QTGAL: variants seen among roughly 807,000 people sequenced by gnomAD.
The protein encoded by QTGAL is BGnT-like protein 1.
the QTGAL span, chr17:82,981,402 A>T: frequency 7.9e-5 from 12 of 152,282 alleles, no homozygotes; most frequent in African/African-American, 2.9e-4. Context: ...CGCCGCACCC[A>T]TGTGGGGCCA....
chr17:83,016,213 A>G, the QTGAL span, among the ~76,000 whole-genome samples: 5 of 152,248 alleles, frequency 3.3e-5, no homozygotes, highest in Admixed American at 6.5e-5. Context: ...GTTTAAGTAC[A>G]TGAGTAAAAG....
At chr17:82,993,426 A>G in the QTGAL span, among the ~76,000 whole-genome samples, 35 of 152,176 alleles carry the variant, frequency 2.3e-4, no homozygotes, top group African/African-American at 8.4e-4. Flanking sequence ...AGAATATAAC[A>G]GTCATAAATA....
At chr17:82,954,501 G>GA in the QTGAL span, among the ~76,000 whole-genome samples, 84 of 148,190 alleles carry the variant, frequency 5.7e-4, no homozygotes, top group Middle Eastern at 3.4e-3. Flanking sequence ...CAAACAAATG[G>GA]AAAAAAAAAA....
chr17:83,017,366 T>C, the QTGAL span, among the ~76,000 whole-genome samples: 3 of 152,148 alleles, frequency 2.0e-5, no homozygotes, highest in Non-Finnish European at 4.4e-5. Flanking sequence ...CTCATGCCTG[T>C]AATCCCAGCA....
the QTGAL span, among the ~76,000 whole-genome samples, chr17:82,984,949 C>T: frequency 9.2e-5 from 14 of 152,270 alleles, no homozygotes; most frequent in Non-Finnish European, 1.6e-4. Context: ...CCTGCTGGGA[C>T]CCCCTCCCTC....
the QTGAL span, chr17:83,005,054 A>C: frequency 7.2e-7 from 1 of 1,392,988 alleles, no homozygotes; most frequent in Non-Finnish European, 9.9e-7. This position sits in a 1 kb window ranked among gnomAD's most constrained non-coding sequence, Gnocchi z 5.6. Context: ...AGCATAATGC[A>C]TGAGATGGCG....
the QTGAL span, among the ~76,000 whole-genome samples, chr17:82,955,793 AT>A: frequency 1.3e-5 from 2 of 152,228 alleles, no homozygotes; most frequent in Non-Finnish European, 2.9e-5. Flanking sequence ...CATGGCACAT[AT>A]AGCCCATGGA....
the QTGAL span, among the ~76,000 whole-genome samples, chr17:82,963,603 G>A: frequency 6.6e-6 from 1 of 152,234 alleles, no homozygotes; most frequent in East Asian, 1.9e-4. Context: ...GCTACAGGGT[G>A]GGATATGCGG....
the QTGAL span, among the ~76,000 whole-genome samples, chr17:82,986,362 C>A: frequency 6.6e-6 from 1 of 152,204 alleles, no homozygotes; most frequent in African/African-American, 2.4e-5. Flanking sequence ...GGCTCCCGTG[C>A]AATGCCAGGT....
the QTGAL span, among the ~76,000 whole-genome samples, chr17:82,989,824 GA>G: frequency 2.6e-5 from 4 of 151,998 alleles, no homozygotes; most frequent in African/African-American, 9.7e-5. Flanking sequence ...AACAAAAATA[GA>G]AAAAATTACA....
chr17:82,963,590 C>T, the QTGAL span, among the ~76,000 whole-genome samples: 1 of 152,164 alleles, frequency 6.6e-6, no homozygotes, highest in Non-Finnish European at 1.5e-5. Flanking sequence ...ACCAGTGTTT[C>T]AGGCTACAGG....
chr17:82,992,079 A>G, the QTGAL span, among the ~76,000 whole-genome samples: 1 of 152,168 alleles, frequency 6.6e-6, no homozygotes, highest in African/African-American at 2.4e-5. Context: ...TCACCTCAAA[A>G]GGGCAAATCT....
At chr17:83,029,085 C>T in the QTGAL span, among the ~76,000 whole-genome samples, 2 of 152,190 alleles carry the variant, frequency 1.3e-5, no homozygotes, top group African/African-American at 2.4e-5. Context: ...GAGCCGGGAG[C>T]ATGCAGGCCG....
At chr17:83,032,797 C>G in the QTGAL span, among the ~76,000 whole-genome samples, 2 of 152,212 alleles carry the variant, frequency 1.3e-5, no homozygotes, top group African/African-American at 4.8e-5. Context: ...ACCCAGGCAC[C>G]AGGACAGGAG....
the QTGAL span, among the ~76,000 whole-genome samples, chr17:82,946,685 AGAG>A: frequency 2.6e-5 from 4 of 152,172 alleles, no homozygotes; most frequent in Non-Finnish European, 4.4e-5. Context: ...CAAAACAGAT[AGAG>A]TTCACCTAAA....
At chr17:82,953,025 C>T in the QTGAL span, among the ~76,000 whole-genome samples, 1 of 152,158 alleles carries the variant, frequency 6.6e-6, no homozygotes, top group Admixed American at 6.5e-5. Context: ...ACCAGAATCC[C>T]TGGGACACAG....
chr17:82,953,652 A>C, the QTGAL span, among the ~76,000 whole-genome samples: 1 of 152,198 alleles, frequency 6.6e-6, no homozygotes, highest in Non-Finnish European at 1.5e-5. Flanking sequence ...CTACTAACTC[A>C]TGAGGCCAGC....
chr17:83,002,648 T>C, the QTGAL span, among the ~76,000 whole-genome samples: 6 of 151,992 alleles, frequency 3.9e-5, 1 homozygote, highest in Non-Finnish European at 7.4e-5. Context: ...CCACGTCCCC[T>C]CCCTCAGACG....
chr17:82,982,756 G>A, the QTGAL span, among the ~76,000 whole-genome samples: 11 of 152,198 alleles, frequency 7.2e-5, no homozygotes, highest in African/African-American at 7.2e-5. Context: ...CAGTTTCTCC[G>A]GGTGATGGGA....
Sources: gnomAD v4.1 joint callset for allele counts (sites outside exome capture counted in the v4.1 genomes callset) on GRCh38, gnomAD v4.1.1 for gene constraint, Gnocchi (gnomAD v3.1) non-coding constraint, MANE v1.5 for transcripts, NCBI Gene and HGNC (gene_info 2026-07-23, HGNC 2026-07-21) for gene names.